The following RPE variants were observed in gnomAD, a reference collection of about 807,000 sequenced individuals.
RPE encodes ribulose-5-phosphate-3-epimerase, also known as ribulose-phosphate 3-epimerase.
RPE carries 16 observed loss-of-function variants against 24.6 expected under a neutral mutation model. That is an observed-to-expected ratio of 0.65 (90% CI 0.44 to 0.99). RPE has a LOEUF of 0.99. Among genes scored for constraint, RPE ranks in the 50% least tolerant of loss-of-function variants. The probability of loss-of-function intolerance (pLI) is 0.00; values close to 1 mark genes in which losing one functional copy is unlikely to be tolerated. For missense variants in RPE, 240 were observed against 294.5 expected (o/e 0.81, Z 1.35); for synonymous variants, 93 against 98.4 (o/e 0.94, Z 0.33).
At chr2:210,007,723 T>A (rs1188096351) in intron 1 of RPE, among the ~76,000 whole-genome samples, 1 of 152,252 alleles carries the variant, frequency 6.6e-6, no homozygotes, top group East Asian at 1.9e-4. Flanking sequence ...TTGCTCTTAT[T>A]TTATGTATGT....
At chr2:210,011,353 A>G (rs2093696683) in intron 2 of RPE, among the ~76,000 whole-genome samples, 3 of 152,280 alleles carry the variant, frequency 2.0e-5, no homozygotes, top group South Asian at 4.1e-4. Flanking sequence ...TGTACAACCA[A>G]TGGCCAGAAT....
intron 5 of RPE, chr2:210,018,022 G>C (rs543801752): frequency 5.2e-5 from 49 of 950,226 alleles, no homozygotes; most frequent in South Asian, 3.6e-4. Flanking sequence ...TGGGATTACA[G>C]ATGTGAGCCA....
Position 210,016,061 on chromosome 2 carries a change from T to C in RPE, c.291T>C (p.Ala97=). 6.2e-7 allele frequency: 1 copy of C among 1,614,228 alleles called. No homozygotes were observed. Among genetic ancestry groups the C allele is most frequent in the Non-Finnish European group, 8.5e-7 (1 of 1,180,044 alleles). Residue 97 remains alanine, a synonymous_variant, in exon 3 of 6, where the codon GCT becomes GCC. Transcript: ENST00000359429. ...GANQYTFHLE[A]TENPGALIKD... is the part of the protein sequence containing the mutation. The stretch of plus-strand genomic sequence containing the variant: ...ATCAGTACACCTTTCATCTCGAGGC[T>C]ACTGAGAACCCAGGGGCTTTGATTA...
intron 2 of RPE, among the ~76,000 whole-genome samples, chr2:210,010,627 T>G (rs1390400957): frequency 2.6e-5 from 4 of 152,274 alleles, no homozygotes; most frequent in Non-Finnish European, 5.9e-5. Context: ...ATCAGCATAT[T>G]GCTGACCAGT....
chr2:210,019,988 C>A lies in RPE; in HGVS notation c.*197C>A. 1.9e-6 allele frequency: 1 copy of A among 525,634 alleles called. No homozygotes were observed. The highest frequency in any genetic ancestry group is 3.2e-6 in the Non-Finnish European group (1 of 314,514). 32.6% of individuals were successfully genotyped at this position (525,634 alleles called of 1,614,324 possible). On this transcript the variant is annotated 3_prime_UTR_variant, in exon 6 of 6. Transcript: ENST00000359429. The stretch of plus-strand genomic sequence containing the variant: ...GTGTATAACTACATTTTTAGTGATG[C>A]AATTTATTGATTAGTGAGTAAGATA...
chr2:210,002,903 A>G, intron 1 of RPE, 120 bp downstream of exon 1: 1 of 1,571,776 alleles, frequency 6.4e-7, no homozygotes, highest in Non-Finnish European at 8.7e-7. Flanking sequence ...TCTGAACGCG[A>G]TGCTAGAAGG....
In RPE at chr2:210,019,769, A is replaced by G; in HGVS notation, c.665A>G (p.Gln222Arg). 1 of 1,613,190 alleles carries G rather than the reference A, an allele frequency of 6.2e-7. No individual in the cohort carries two copies. Among genetic ancestry groups the G allele is most frequent in the Non-Finnish European group, 8.5e-7 (1 of 1,179,404 alleles). ...LLRNVCSEAA[Q>R]KRSLDR ...AGAAATGTTTGCTCAGAAGCTGCTC[A>G]GAAACGTTCTCTTGATCGGTGAAAC... Residue 222 changes from glutamine to arginine, a missense_variant, in exon 6 of 6, where the codon CAG (glutamine) becomes CGG (arginine). Physicochemically the swap from Gln to Arg is conservative, Grantham distance 43. Coordinates refer to ENST00000359429, the MANE Select transcript of RPE (RefSeq NM_199229.3).
Position 210,002,801 on chromosome 2 carries a change from C to T in RPE, c.122+18C>T, listed in dbSNP as rs771678066. On this transcript the variant is annotated intron_variant, in intron 1 of 5. Transcript: ENST00000359429. ...ATGGACGGGTAACTCCTCCGGGCTC[C>T]GGTCGGGCTTGCCGCGCGGCGGGGC... is the stretch of plus-strand genomic sequence containing the variant. 2.5e-6 allele frequency: 4 copies of T among 1,613,968 alleles called. No homozygotes were observed. Among genetic ancestry groups the T allele is most frequent in the Non-Finnish European group, 3.4e-6 (4 of 1,180,026 alleles).
At chr2:210,005,513 T>A (rs566967334) in intron 1 of RPE, among the ~76,000 whole-genome samples, 2 of 152,224 alleles carry the variant, frequency 1.3e-5, no homozygotes, top group East Asian at 3.9e-4. Context: ...GACAGGACAG[T>A]GACTAGAATG....
chr2:210,017,353 CA>C, intron 4 of RPE, 119 bp from the exon 5 acceptor site: 1 of 733,526 alleles, frequency 1.4e-6, no homozygotes, highest in South Asian at 1.8e-5. Flanking sequence ...TTGTGTGAGA[CA>C]ATTGGAGTTT....
At chr2:210,003,568 A>G in intron 1 of RPE, 2 of 638,920 alleles carry the variant, frequency 3.1e-6, no homozygotes, top group South Asian at 1.6e-5. Context: ...ACAACCCCAG[A>G]GAAAGCAGTA....
intron 2 of RPE, among the ~76,000 whole-genome samples, chr2:210,014,790 A>T (rs1457252701): frequency 6.6e-6 from 1 of 150,520 alleles, no homozygotes; most frequent in African/African-American, 2.4e-5. Flanking sequence ...TTTTTTTCTT[A>T]AATATAGCTT....
chr2:210,009,135 G>A (rs951830282), intron 1 of RPE, among the ~76,000 whole-genome samples: 1 of 152,208 alleles, frequency 6.6e-6, no homozygotes, highest in African/African-American at 2.4e-5. Context: ...AGTAAATTAC[G>A]ATGCTTGGCA....
At chr2:210,015,287 C>T (rs946988816) in intron 2 of RPE, among the ~76,000 whole-genome samples, 4 of 152,170 alleles carry the variant, frequency 2.6e-5, no homozygotes, top group African/African-American at 7.2e-5. Flanking sequence ...TGGGTTATTG[C>T]TATCGTAGCT....
In RPE at chr2:210,002,682, T is replaced by G; in HGVS notation, c.21T>G (p.Ile7Met). Reference protein sequence around the residue: MASGCKIGPSILNSDLA... With the variant: MASGCKMGPSILNSDLA... ...GCGGTATGGCGTCGGGCTGCAAGAT[T>G]GGCCCGTCCATCCTCAACAGCGACC... The change falls in exon 1 of 6, where the codon ATT (isoleucine) becomes ATG (methionine). Residue 7 changes from isoleucine to methionine, a missense_variant. Coordinates refer to ENST00000359429, the MANE Select transcript of RPE (RefSeq NM_199229.3). 1 of 1,613,888 alleles carries G rather than the reference T, an allele frequency of 6.2e-7. No homozygotes were observed. The highest frequency in any genetic ancestry group is 8.5e-7 in the Non-Finnish European group (1 of 1,179,804).
intron 1 of RPE, among the ~76,000 whole-genome samples, chr2:210,004,796 A>G (rs1292401668): frequency 6.6e-6 from 1 of 152,200 alleles, no homozygotes; most frequent in Non-Finnish European, 1.5e-5. Flanking sequence ...GTCTCTCAGA[A>G]GTCACTTTTG....
At chr2:210,018,525 C>G (rs2093811080) in intron 5 of RPE, 1 of 984,900 alleles carries the variant, frequency 1.0e-6, no homozygotes, top group African/African-American at 1.7e-5. Flanking sequence ...GTATCTACTT[C>G]CAGGTTCTTG....
intron 2 of RPE, among the ~76,000 whole-genome samples, chr2:210,011,426 C>T (rs1258862535): frequency 1.3e-5 from 2 of 152,042 alleles, no homozygotes; most frequent in Admixed American, 1.3e-4. Flanking sequence ...CTTTTCGCTC[C>T]CTTTTATTTG....
intron 1 of RPE, 103 bp downstream of exon 1, chr2:210,002,886 G>A (rs2093580060): frequency 6.3e-7 from 1 of 1,596,156 alleles, no homozygotes; most frequent in Non-Finnish European, 8.5e-7. Context: ...ACCACCGAGC[G>A]CCTCACTCTG....
Sources: gnomAD v4.1 joint callset for allele counts (sites outside exome capture counted in the v4.1 genomes callset) on GRCh38, gnomAD v4.1.1 for gene constraint, MANE v1.5 for transcripts, NCBI Gene and HGNC (gene_info 2026-07-23, HGNC 2026-07-21) for gene names.